The following PDE5A variants were observed in gnomAD, a reference collection of about 807,000 sequenced individuals.
The protein encoded by PDE5A is phosphodiesterase 5A, also known as cGMP-specific 3',5'-cyclic phosphodiesterase.
In PDE5A, 67 loss-of-function variants were observed where a neutral mutation model predicts 110.2. That is an observed-to-expected ratio of 0.61 (90% CI 0.50 to 0.75). The LOEUF is 0.75. Among genes scored for constraint, PDE5A ranks in the 30% least tolerant of loss-of-function variants. The pLI is 0.00. For synonymous variants in PDE5A, 328 were observed against 351.2 expected, an observed-to-expected ratio of 0.93 and a Z score of 0.74; for missense variants, 862 against 1,045.1, an observed-to-expected ratio of 0.82 and a Z score of 2.42.
intron 3 of PDE5A, among the ~76,000 whole-genome samples, chr4:119,592,456 T>TTAAAAAAAAA (rs1729009629): frequency 1.5e-5 from 1 of 66,176 alleles, no homozygotes; most frequent in Non-Finnish European, 2.6e-5. Context: ...AGACTCTGTT[T>TTAAAAAAAAA]AAAAAAAAAA....
chr4:119,622,907 T>C (rs1410265171), intron 1 of PDE5A, among the ~76,000 whole-genome samples: 1 of 149,382 alleles, frequency 6.7e-6, no homozygotes, highest in African/African-American at 2.5e-5. Flanking sequence ...CTTTAAAATA[T>C]TTTTAGAATT....
chr4:119,608,472 T>C (rs1729620280), intron 1 of PDE5A, among the ~76,000 whole-genome samples: 1 of 152,234 alleles, frequency 6.6e-6, no homozygotes, highest in South Asian at 2.1e-4. Context: ...ACTCTTCTTT[T>C]GAAACAAACT....
rs17358860 is a variant in PDE5A at position 119,596,909 on chromosome 4, T to A, written c.742-297A>T. Among the ~76,000 whole-genome samples, 25,583 of 152,060 alleles carry A rather than the reference T, an allele frequency of 0.17. 2,258 individuals carry two copies. Among genetic ancestry groups the A allele is most frequent in the Middle Eastern group, 0.21 (61 of 294 alleles). ...ATTAACCACTTTAGATAGCTGTACTTAAATTCAGGAAAAAGTGGCATCTCT... is the reference window on the plus strand; with the variant it reads ...ATTAACCACTTTAGATAGCTGTACTAAAATTCAGGAAAAAGTGGCATCTCT... On this transcript the variant is annotated intron_variant, in intron 2 of 20. Coordinates refer to ENST00000354960, the MANE Select transcript of PDE5A (RefSeq NM_001083.4).
chr4:119,556,047 A>G (rs1727526543), intron 7 of PDE5A, among the ~76,000 whole-genome samples: 1 of 152,230 alleles, frequency 6.6e-6, no homozygotes, highest in Non-Finnish European at 1.5e-5. Context: ...AGGAGCTTAC[A>G]ATCTAGTAGA....
In PDE5A at chr4:119,496,002, A is replaced by C. The variant is rs1725049390; in HGVS notation, c.*2599T>G. 1 of 152,152 alleles carries C rather than the reference A, an allele frequency of 6.6e-6. No individual in the cohort carries two copies. The highest frequency in any genetic ancestry group is 2.4e-5 in the African/African-American group (1 of 41,448). The allele number at this position is 152,152 out of a possible 1,614,324, so 9.4% of individuals were successfully genotyped here. A position where few individuals can be genotyped will look rare whatever the true frequency, so the allele number is the denominator to read the frequency against. On this transcript the variant is annotated 3_prime_UTR_variant, in exon 21 of 21. Coordinates refer to ENST00000354960, the MANE Select transcript of PDE5A (RefSeq NM_001083.4). ...GCCCAAACATAACTCCTTTTAAAAA[A>C]GCACAACTTGTTTAGGCACACAGAG...
intron 3 of PDE5A, among the ~76,000 whole-genome samples, chr4:119,585,341 T>C (rs1042068354): frequency 1.3e-5 from 2 of 152,152 alleles, no homozygotes; most frequent in African/African-American, 4.8e-5. Flanking sequence ...GGCAAACATC[T>C]TCTCTTTTTT....
intron 12 of PDE5A, among the ~76,000 whole-genome samples, chr4:119,523,935 T>C (rs1726216669): frequency 6.6e-6 from 1 of 152,022 alleles, no homozygotes; most frequent in Non-Finnish European, 1.5e-5. Flanking sequence ...AACTTCTGGC[T>C]CCAAATGAGA....
intron 11 of PDE5A, among the ~76,000 whole-genome samples, chr4:119,533,539 A>G (rs1463134185): frequency 6.6e-6 from 1 of 152,192 alleles, no homozygotes; most frequent in Non-Finnish European, 1.5e-5. Flanking sequence ...TAAAACGGGA[A>G]TGAGTATGAA....
intron 20 of PDE5A, 134 bp from the exon 21 acceptor site, chr4:119,498,872 G>A: frequency 1.2e-6 from 1 of 813,378 alleles, no homozygotes; most frequent in South Asian, 1.7e-5. Flanking sequence ...CACAAGCTTT[G>A]TGAGCACATA....
In PDE5A at chr4:119,505,940, G is replaced by T; in HGVS notation, c.2190-8C>A. ...AAAAATTCTCCTCGCCTCCTACAAT[G>T]TTTAAAAAAAAATTGTTAGTTATAA... On this transcript the variant is annotated splice_region_variant and splice_polypyrimidine_tract_variant and intron_variant, in intron 16 of 20. Transcript: ENST00000354960. The T allele has an allele frequency of 1.3e-6, 2 of 1,507,922 alleles. No homozygotes were observed. The highest frequency in any genetic ancestry group is 2.4e-5 in the East Asian group (1 of 41,968). The allele number at this position is 1,507,922 out of a possible 1,614,324, so 93.4% of individuals were successfully genotyped here. A position where few individuals can be genotyped will look rare whatever the true frequency, so the allele number is the denominator to read the frequency against.
chr4:119,511,980 T>C (rs1725759136), intron 14 of PDE5A, among the ~76,000 whole-genome samples: 1 of 152,172 alleles, frequency 6.6e-6, no homozygotes, highest in Non-Finnish European at 1.5e-5. Flanking sequence ...ATGAAGTTTC[T>C]GAAAGCCTCT....
At chr4:119,515,041 A>G (rs191727642) in intron 14 of PDE5A, among the ~76,000 whole-genome samples, 1 of 152,262 alleles carries the variant, frequency 6.6e-6, no homozygotes, top group African/African-American at 2.4e-5. Context: ...GACTAAATGA[A>G]CTAATATATA....
chr4:119,502,345 AAC>A (rs1725376709), intron 19 of PDE5A: 1 of 322,754 alleles, frequency 3.1e-6, no homozygotes. Context: ...AGCGGAAAAA[AAC>A]AAATTACAAA....
chr4:119,586,254 T>A (rs753471387), intron 3 of PDE5A, among the ~76,000 whole-genome samples: 1 of 152,176 alleles, frequency 6.6e-6, no homozygotes, highest in Admixed American at 6.5e-5. Flanking sequence ...TGCAAAAAAA[T>A]TTAAAAATTT....
chr4:119,585,922 G>A (rs1728748520), intron 3 of PDE5A, among the ~76,000 whole-genome samples: 1 of 152,148 alleles, frequency 6.6e-6, no homozygotes, highest in Non-Finnish European at 1.5e-5. Context: ...AGCCCACATG[G>A]TGAGGAATGA....
intron 15 of PDE5A, among the ~76,000 whole-genome samples, chr4:119,508,995 A>G (rs1725651183): frequency 6.6e-6 from 1 of 151,948 alleles, no homozygotes; most frequent in South Asian, 2.1e-4. Flanking sequence ...AAAAAAGCAT[A>G]TTTTCTTTCT....
rs552446177 is a variant in PDE5A, at chr4:119,570,686, G to A, written c.832-3542C>T. Among the ~76,000 whole-genome samples the A allele has an allele frequency of 9.2e-5, 14 of 152,240 alleles. 1 individual carries two copies. Among genetic ancestry groups the A allele is most frequent in the African/African-American group, 3.4e-4 (14 of 41,526 alleles). On this transcript the variant is annotated intron_variant, in intron 3 of 20. Transcript: ENST00000354960. ...AGCAGCTGCCCCAGACATTTACTGA[G>A]GTCATACATCAATCCCAATACATTT... is the stretch of plus-strand genomic sequence containing the variant.
At chr4:119,583,060 A>G (rs1728641089) in intron 3 of PDE5A, among the ~76,000 whole-genome samples, 1 of 152,218 alleles carries the variant, frequency 6.6e-6, no homozygotes, top group Non-Finnish European at 1.5e-5. Flanking sequence ...TTGAAGCCAG[A>G]CATTGACTTC....
chr4:119,596,564 G>A lies in PDE5A; in HGVS notation c.790C>T (p.Gln264Ter). 1.2e-6 allele frequency: 2 copies of A among 1,601,076 alleles called. No homozygotes were observed. Among genetic ancestry groups the A allele is most frequent in the Non-Finnish European group, 1.7e-6 (2 of 1,173,588 alleles). ...TTAATTGGCATACAAAGAATGCTTT[G>A]TGTCTTGTAGCCTGTAATTTGGTCA... ...EVDQITGYKT[Q>*]SILCMPIKNH... Residue 264 changes from glutamine (Q) to a stop codon, truncating the protein, a stop_gained, in exon 3 of 21, where the codon CAA becomes TAA. Coordinates refer to ENST00000354960, the MANE Select transcript of PDE5A (RefSeq NM_001083.4). LOFTEE classifies it high-confidence loss of function.
Sources: gnomAD v4.1 joint callset for allele counts (sites outside exome capture counted in the v4.1 genomes callset) on GRCh38, gnomAD v4.1.1 for gene constraint, MANE v1.5 for transcripts, NCBI Gene and HGNC (gene_info 2026-07-23, HGNC 2026-07-21) for gene names.